The following FMN1 variants were observed in gnomAD, a reference collection of about 807,000 sequenced individuals.
The protein encoded by FMN1 is formin-1.
FMN1 carries 110 observed loss-of-function variants against 132.4 expected under a neutral mutation model. The observed-to-expected ratio is 0.83, with a 90% CI of 0.71 to 0.97. FMN1 has a LOEUF of 0.97. FMN1 is among the 50% of genes least tolerant of loss of function. The pLI, the probability that FMN1 is intolerant of heterozygous loss-of-function variation, is 0.00. For synonymous variants in FMN1, 722 were observed against 651.7 expected (o/e 1.11, Z -1.64); for missense variants, 1,792 against 1,705.3 (o/e 1.05, Z -0.90).
Position 33,066,663 on chromosome 15 carries a change from G to T in FMN1, c.2044-1589C>A. 4 of 1,613,794 alleles carry T rather than the reference G, an allele frequency of 2.5e-6. No individual in the cohort carries two copies. Among genetic ancestry groups the T allele is most frequent in the Non-Finnish European group, 3.4e-6 (4 of 1,179,846 alleles). On this transcript the variant is annotated intron_variant, in intron 5 of 20. Coordinates refer to ENST00000616417, the MANE Select transcript of FMN1 (RefSeq NM_001277313.2). ...CCCTTTCTGGGGGGCCGGATGAATA[G>T]GGCTTTAAAAGCCTCCAGGGCTGTC... is the stretch of plus-strand genomic sequence containing the variant.
chr15:33,019,134 T>C (rs2035266538), intron 6 of FMN1, among the ~76,000 whole-genome samples: 1 of 152,200 alleles, frequency 6.6e-6, no homozygotes, highest in East Asian at 1.9e-4. Flanking sequence ...TACAGAGAGC[T>C]GATTGGTCTG....
At chr15:33,043,192 C>T (rs12902753) in intron 6 of FMN1, among the ~76,000 whole-genome samples, 20,682 of 152,214 alleles carry the variant, frequency 0.14, 1,587 homozygotes, top group Middle Eastern at 0.22. Context: ...ATCACAGGAT[C>T]ACGAAAGTCA....
intron 4 of FMN1, among the ~76,000 whole-genome samples, chr15:33,095,543 C>T (rs2039052114): frequency 6.6e-6 from 1 of 152,028 alleles, no homozygotes; most frequent in Non-Finnish European, 1.5e-5. Flanking sequence ...AACAGGTGTG[C>T]ACCACCACAC....
intron 9 of FMN1, among the ~76,000 whole-genome samples, chr15:32,951,113 T>A (rs1450115): frequency 0.28 from 42,686 of 152,030 alleles, 7,936 homozygotes; most frequent in African/African-American, 0.54. Context: ...CTAAAATAAC[T>A]TCATATTTTA....
At chr15:32,836,963 ATT>A (rs61128765) in intron 17 of FMN1, 36,089 of 199,206 alleles carry the variant, frequency 0.18, 3,422 homozygotes, top group East Asian at 0.44. Flanking sequence ...AAATAGATGC[ATT>A]TTTTTTTTTT....
chr15:33,103,733 T>A (rs978304950), intron 4 of FMN1, among the ~76,000 whole-genome samples: 12 of 152,138 alleles, frequency 7.9e-5, no homozygotes, highest in Admixed American at 2.6e-4. Flanking sequence ...CAGGGTCTTT[T>A]CAGAATGTTT....
At chr15:32,964,321 AATCT>A (rs754436046) in intron 8 of FMN1, 64 bp from the exon 9 acceptor site, 9 of 1,120,122 alleles carry the variant, frequency 8.0e-6, no homozygotes, top group Non-Finnish European at 1.1e-5. Flanking sequence ...AATACAATGA[AATCT>A]TTCTCTAATC....
At chr15:33,170,975 C>T (rs1281133482) in intron 3 of FMN1, among the ~76,000 whole-genome samples, 1 of 152,124 alleles carries the variant, frequency 6.6e-6, no homozygotes, top group Non-Finnish European at 1.5e-5. Context: ...GATATGGAAT[C>T]AACCTGTGTG....
chr15:32,796,174 G>C (rs1404563915), intron 19 of FMN1, among the ~76,000 whole-genome samples: 3 of 152,200 alleles, frequency 2.0e-5, no homozygotes, highest in Admixed American at 1.3e-4. Context: ...AGCAGGAAAA[G>C]TAAATATTCA....
At chr15:33,108,239 AAAAAG>A (rs1310534849) in intron 4 of FMN1, among the ~76,000 whole-genome samples, 1 of 152,038 alleles carries the variant, frequency 6.6e-6, no homozygotes, top group Non-Finnish European at 1.5e-5. Context: ...CTTAACTAGA[AAAAAG>A]AAAAGATATG....
chr15:32,971,177 T>G (rs1203191703), intron 7 of FMN1, among the ~76,000 whole-genome samples: 2 of 152,240 alleles, frequency 1.3e-5, no homozygotes, highest in Non-Finnish European at 2.9e-5. Context: ...AATGAGATAC[T>G]TCATATAAAA....
rs749043174 is a variant in FMN1 at position 33,065,008 on chromosome 15, G to C, written c.2110C>G (p.Pro704Ala). 2.7e-5 allele frequency: 43 copies of C among 1,611,868 alleles called. No homozygotes were observed. The Admixed American group carries it at 4.7e-4, about 18-fold the overall frequency. Residue 704 changes from proline to alanine, a missense_variant, in exon 6 of 21, where the codon CCA (proline) becomes GCA (alanine). By Grantham distance (27) the Pro-to-Ala change is conservative. This residue lies in a region of FMN1 where 1,150 missense variants were observed against 1,043.1 expected (regional missense o/e 1.10). Coordinates refer to ENST00000616417, the MANE Select transcript of FMN1 (RefSeq NM_001277313.2). Reference protein sequence around the residue: ...PGRLQAVWPPPKTKDTEEKVG... With the variant: ...PGRLQAVWPPAKTKDTEEKVG... ...TTTTCTTCTGTGTCTTTTGTCTTTG[G>C]GGGTGGCCAGACAGCTTGAAGTCTG...
chr15:32,925,338 C>T (rs1223329252), intron 10 of FMN1, among the ~76,000 whole-genome samples: 1 of 152,190 alleles, frequency 6.6e-6, no homozygotes, highest in South Asian at 2.1e-4. Flanking sequence ...ATATTATGCA[C>T]TTCTTGATAG....
chr15:33,124,838 A>AT (rs938325248), intron 4 of FMN1, among the ~76,000 whole-genome samples: 2 of 139,926 alleles, frequency 1.4e-5, no homozygotes, highest in Non-Finnish European at 3.1e-5. Context: ...AATGCTTTTC[A>AT]TTTTTCTGCA....
intron 5 of FMN1, among the ~76,000 whole-genome samples, chr15:33,073,974 G>T (rs1003394967): frequency 4.6e-5 from 7 of 152,088 alleles, no homozygotes; most frequent in African/African-American, 1.7e-4. Context: ...CAAGTAATCT[G>T]CCCACCTCGG....
At chr15:33,115,674 C>T (rs1450574163) in intron 4 of FMN1, among the ~76,000 whole-genome samples, 2 of 151,986 alleles carry the variant, frequency 1.3e-5, no homozygotes, top group African/African-American at 4.8e-5. Flanking sequence ...TCTGGAAATT[C>T]TTGCCTGTTT....
intron 4 of FMN1, among the ~76,000 whole-genome samples, chr15:33,096,851 C>G (rs1000400557): frequency 6.6e-6 from 1 of 152,224 alleles, no homozygotes; most frequent in African/African-American, 2.4e-5. Context: ...ATCCGCCAGC[C>G]TTGGCTTTCC....
At chr15:33,062,565 T>C (rs2037535215) in intron 6 of FMN1, 1 of 152,098 alleles carries the variant, frequency 6.6e-6, no homozygotes. Flanking sequence ...GAGCTTGCAG[T>C]GAGCCAAGAT....
intron 5 of FMN1, among the ~76,000 whole-genome samples, chr15:33,082,441 T>C (rs541934578): frequency 6.6e-6 from 1 of 152,318 alleles, no homozygotes; most frequent in South Asian, 2.1e-4. Flanking sequence ...ATCTTTGTTT[T>C]CAATTTCAGG....
Sources: gnomAD v4.1 joint callset for allele counts (sites outside exome capture counted in the v4.1 genomes callset) on GRCh38, gnomAD v4.1.1 for gene constraint, gnomAD v4.1.1 regional missense constraint, MANE v1.5 for transcripts, NCBI Gene and HGNC (gene_info 2026-07-23, HGNC 2026-07-21) for gene names.